MTBP: variants seen among roughly 807,000 people sequenced by gnomAD.
MTBP encodes MDM2 binding protein, also known as mdm2-binding protein.
In MTBP, 101 loss-of-function variants were observed where a neutral mutation model predicts 117.0. That is an observed-to-expected ratio of 0.86 (90% CI 0.73 to 1.02). MTBP has a LOEUF of 1.02. Ranked by LOEUF, MTBP falls within the 50% of genes least tolerant of loss-of-function variation. The pLI, the probability that MTBP is intolerant of heterozygous loss-of-function variation, is 0.00. For synonymous variants in MTBP, 350 were observed against 351.5 expected (o/e 1.00, Z 0.05); for missense variants, 970 against 1,030.9 (o/e 0.94, Z 0.81).
At chr8:120,461,334 T>C in intron 9 of MTBP, 79 bp downstream of exon 9, 2 of 981,166 alleles carry the variant, frequency 2.0e-6, no homozygotes, top group East Asian at 4.9e-5. Flanking sequence ...CAGGTAAATA[T>C]ACATGTTAGG....
rs181270809 is a variant in MTBP at position 120,446,852 on chromosome 8, G to A, written c.199+339G>A. Among the ~76,000 whole-genome samples the A allele has an allele frequency of 1.5e-4, 23 of 152,054 alleles. No homozygotes were observed. In the East Asian group the frequency reaches 4.4e-3, roughly 29 times the overall value. ...GTAAAAATATGTAAAGCTCCCACAC[G>A]GATTTCCTTACCATTTATTTATTTA... is the stretch of plus-strand genomic sequence containing the variant. On this transcript the variant is annotated intron_variant, in intron 2 of 21. Coordinates refer to ENST00000305949, the MANE Select transcript of MTBP (RefSeq NM_022045.5).
At chr8:120,447,926 AT>A (rs59081966) in intron 2 of MTBP, among the ~76,000 whole-genome samples, 1 of 149,624 alleles carries the variant, frequency 6.7e-6, no homozygotes, top group African/African-American at 2.5e-5. Flanking sequence ...TTATTCTTCG[AT>A]TTTTTTTTTC....
intron 11 of MTBP, among the ~76,000 whole-genome samples, chr8:120,476,715 A>G (rs1037915644): frequency 6.6e-6 from 1 of 152,304 alleles, no homozygotes; most frequent in East Asian, 1.9e-4. Context: ...GGACCTTTTC[A>G]AGGAGAACTA....
intron 4 of MTBP, 93 bp downstream of exon 4, chr8:120,451,415 C>A: frequency 1.8e-6 from 2 of 1,124,930 alleles, no homozygotes; most frequent in South Asian, 1.5e-5. Context: ...ATTTTAGCAT[C>A]TTTACTGAAG....
At chr8:120,454,295 T>C (rs1236015212) in intron 5 of MTBP, among the ~76,000 whole-genome samples, 5 of 152,106 alleles carry the variant, frequency 3.3e-5, no homozygotes, top group African/African-American at 9.7e-5. Flanking sequence ...AACATTCTTT[T>C]ATGGTGAAGT....
In MTBP at chr8:120,517,903, A is replaced by G. The variant is rs2130622070; in HGVS notation, c.2299A>G (p.Ser767Gly). ...ESLLSQTTGNSNHYHHHVTSR... is the reference protein window; with the variant it reads ...ESLLSQTTGNGNHYHHHVTSR... ...TCTTCTTTCTCAGACAACTGGTAAT[A>G]GTAATCACTATCATCATCATGTGAC... Residue 767 changes from serine to glycine, a missense_variant, in exon 19 of 22, where the codon AGT becomes GGT. By Grantham distance (56) the Ser-to-Gly change is moderately conservative (BLOSUM62 0). Coordinates refer to ENST00000305949, the MANE Select transcript of MTBP (RefSeq NM_022045.5). 1 of 1,611,416 alleles carries G rather than the reference A, an allele frequency of 6.2e-7. No individual in the cohort carries two copies.
In MTBP at chr8:120,477,296, A is replaced by G. The variant is rs568827904; in HGVS notation, c.1165+6359A>G. On this transcript the variant is annotated intron_variant, in intron 11 of 21. Coordinates refer to ENST00000305949, the MANE Select transcript of MTBP (RefSeq NM_022045.5). ...ACACATAAGACCTAAAACCATAAAA[A>G]CCCTAGAAGAAAACTTAGGCAGTAC... Among the ~76,000 whole-genome samples, 91 of 152,296 alleles carry G rather than the reference A, an allele frequency of 6.0e-4. 1 individual carries two copies. Among genetic ancestry groups the G allele is most frequent in the African/African-American group, 2.1e-3 (86 of 41,548 alleles).
Position 120,456,572 on chromosome 8 carries a change from G to T in MTBP, c.649G>T (p.Glu217Ter), listed in dbSNP as rs1353302855. Residue 217 changes from glutamate (E) to a stop codon, truncating the protein, a stop_gained, in exon 7 of 22, where the codon GAA becomes TAA. Transcript: ENST00000305949. LOFTEE classifies it high-confidence loss of function. ...HCEINCQKIAEYLSANVVSLE... is the reference protein window; with the variant it reads ...HCEINCQKIA ...TTATAGAAACTGTCAGAAAATTGCA[G>T]AATACCTTTCTGCTAATGTTGTATC... 1 of 1,570,152 alleles carries T rather than the reference G, an allele frequency of 6.4e-7. No individual in the cohort carries two copies. The highest frequency in any genetic ancestry group is 1.2e-5 in the South Asian group (1 of 86,544).
At chr8:120,519,992 C>G (rs1417512172) in intron 20 of MTBP, among the ~76,000 whole-genome samples, 4 of 152,130 alleles carry the variant, frequency 2.6e-5, no homozygotes, top group Non-Finnish European at 5.9e-5. Flanking sequence ...GAAAAGCTAA[C>G]TGGCCATCTT....
intron 4 of MTBP, 121 bp downstream of exon 4, chr8:120,451,443 A>T: frequency 1.3e-6 from 1 of 793,350 alleles, no homozygotes; most frequent in Non-Finnish European, 1.9e-6. Flanking sequence ...AGTTAATTGA[A>T]ATTTTTGACT....
chr8:120,453,958 A>T, intron 5 of MTBP, 53 bp downstream of exon 5: 1 of 1,020,584 alleles, frequency 9.8e-7, no homozygotes, highest in Non-Finnish European at 1.5e-6. Context: ...ATTACACTTT[A>T]TGAATAAATG....
chr8:120,471,138 T>A (rs1172170783), intron 11 of MTBP: 1 of 450,244 alleles, frequency 2.2e-6, no homozygotes, highest in Admixed American at 4.0e-5. Flanking sequence ...TCATTTAAAA[T>A]GCTAGTGATC....
At chr8:120,499,018 CA>C (rs1243955942) in intron 14 of MTBP, among the ~76,000 whole-genome samples, 1 of 152,136 alleles carries the variant, frequency 6.6e-6, no homozygotes, top group African/African-American at 2.4e-5. Context: ...AAGGTTTGAG[CA>C]AAGGATGAAC....
In MTBP at chr8:120,502,605, A is replaced by T. The variant is rs199884057; in HGVS notation, c.1723A>T (p.Met575Leu). The T allele has an allele frequency of 5.8e-5, 91 of 1,571,252 alleles. No homozygotes were observed. The highest frequency in any genetic ancestry group is 7.2e-5 in the Non-Finnish European group (83 of 1,149,328). ...AACTTTTGAAAAAACTAAACAAAAA[A>T]TGAGGTAATATTTGAATCTGTAGTA... The part of the protein sequence containing the change: ...LETFEKTKQK[M>L]RTGSLPHSSE... Residue 575 changes from methionine to leucine, a missense_variant, in exon 15 of 22, where the codon ATG becomes TTG. Met to Leu is a conservative substitution (Grantham distance 15). Coordinates refer to ENST00000305949, the MANE Select transcript of MTBP (RefSeq NM_022045.5).
chr8:120,518,662 CT>C, intron 19 of MTBP, 41 bp from the exon 20 acceptor site: 6 of 1,373,038 alleles, frequency 4.4e-6, no homozygotes, highest in Non-Finnish European at 5.1e-6. Flanking sequence ...AGGTTTGTGC[CT>C]TTTCCAAGAA....
At chr8:120,449,027 G>A (rs1399210293) in intron 2 of MTBP, among the ~76,000 whole-genome samples, 1 of 152,174 alleles carries the variant, frequency 6.6e-6, no homozygotes, top group East Asian at 1.9e-4. Flanking sequence ...GATCAGATCT[G>A]TGCTTTTGAG....
intron 11 of MTBP, among the ~76,000 whole-genome samples, chr8:120,484,532 A>G (rs1430695217): frequency 6.6e-6 from 1 of 152,158 alleles, no homozygotes; most frequent in Non-Finnish European, 1.5e-5. Flanking sequence ...TACTACATAA[A>G]AGAATCTTTT....
rs1814693375 is a variant in MTBP at position 120,506,702 on chromosome 8, C to G, written c.1728-4C>G. 1 of 1,589,988 alleles carries G rather than the reference C, an allele frequency of 6.3e-7. No individual in the cohort carries two copies. The highest frequency in any genetic ancestry group is 1.8e-5 in the Admixed American group (1 of 54,780). On this transcript the variant is annotated splice_region_variant and splice_polypyrimidine_tract_variant and intron_variant, in intron 15 of 21. Coordinates refer to ENST00000305949, the MANE Select transcript of MTBP (RefSeq NM_022045.5). ...AATAAATCTGCATAACATTATTTTC[C>G]CAGAACTGGTTCATTACCTCATTCA...
chr8:120,485,792 C>T (rs117649782), intron 11 of MTBP, among the ~76,000 whole-genome samples: 17 of 151,986 alleles, frequency 1.1e-4, no homozygotes, highest in South Asian at 4.1e-4. Context: ...TTCTTGTTTG[C>T]GTATTTATTT....
Sources: gnomAD v4.1 joint callset for allele counts (sites outside exome capture counted in the v4.1 genomes callset) on GRCh38, gnomAD v4.1.1 for gene constraint, MANE v1.5 for transcripts, NCBI Gene and HGNC (gene_info 2026-07-23, HGNC 2026-07-21) for gene names.